The following TLR5 variants were observed in gnomAD, a reference collection of about 807,000 sequenced individuals.
The protein encoded by TLR5 is toll like receptor 5, also known as toll-like receptor 5.
For synonymous variants in TLR5, 373 were observed against 384.4 expected (o/e 0.97, Z 0.35); for missense variants, 944 against 999.8 (o/e 0.94, Z 0.75).
At chr1:223,140,179 A>G (rs1169500861) in intron 2 of TLR5, among the ~76,000 whole-genome samples, 13 of 152,172 alleles carry the variant, frequency 8.5e-5, no homozygotes, top group Non-Finnish European at 1.9e-4. Flanking sequence ...TGCTTCTTAA[A>G]AAATGTAGGG....
rs770317363 is a variant in TLR5 at position 223,112,840 on chromosome 1, T to A, written c.192A>T (p.Ser64=). The change falls in exon 6 of 6, where the codon TCA becomes TCT. Residue 64 remains serine (S), a synonymous_variant. Coordinates refer to ENST00000642603, the MANE Select transcript of TLR5 (RefSeq NM_003268.6). The part of the protein sequence containing the change: ...SFNYIRTVTA[S]SFPFLEQLQL... Reference sequence around the variant, plus strand: ...GCAGCTGTTCCAGAAAGGGGAAGGATGAAGCAGTGACTGTCCTGATATAGT... The same window carrying A: ...GCAGCTGTTCCAGAAAGGGGAAGGAAGAAGCAGTGACTGTCCTGATATAGT... 1 of 1,613,254 alleles carries A rather than the reference T, an allele frequency of 6.2e-7. No individual in the cohort carries two copies. Among genetic ancestry groups the A allele is most frequent in the Non-Finnish European group, 8.5e-7 (1 of 1,179,524 alleles).
rs1435953693 is a variant in TLR5, at chr1:223,112,330, A to G, written c.702T>C (p.Ser234=). The change falls in exon 6 of 6, where the codon TCT becomes TCC. Residue 234 remains serine (S), a synonymous_variant. Transcript: ENST00000642603. ...TGATGTCCACTGTCCAGCCATTTCCAGAAACATCTAGTATCTCCAGCACCA... is the reference window on the plus strand; with the variant it reads ...TGATGTCCACTGTCCAGCCATTTCCGGAAACATCTAGTATCTCCAGCACCA... ...RNMVLEILDV[S]GNGWTVDITG... is the part of the protein sequence containing the mutation. 6.2e-7 allele frequency: 1 copy of G among 1,614,076 alleles called. No homozygotes were observed. Among genetic ancestry groups the G allele is most frequent in the Non-Finnish European group, 8.5e-7 (1 of 1,180,050 alleles).
chr1:223,118,298 G>C (rs1223200704), intron 5 of TLR5, among the ~76,000 whole-genome samples: 2 of 152,206 alleles, frequency 1.3e-5, no homozygotes, highest in East Asian at 3.9e-4. Context: ...TGCAATCCCA[G>C]CACTTTTGGA....
chr1:223,122,033 C>A (rs1307615050), intron 5 of TLR5, among the ~76,000 whole-genome samples: 1 of 152,098 alleles, frequency 6.6e-6, no homozygotes, highest in East Asian at 1.9e-4. Flanking sequence ...AAATAGAAAC[C>A]AATCAGGGCA....
At chr1:223,115,804 C>G (rs1387434477) in intron 5 of TLR5, among the ~76,000 whole-genome samples, 1 of 152,032 alleles carries the variant, frequency 6.6e-6, no homozygotes, top group African/African-American at 2.4e-5. Flanking sequence ...GAGATTAGAG[C>G]AGGTGTCTAA....
intron 5 of TLR5, among the ~76,000 whole-genome samples, chr1:223,114,024 A>T (rs1358193608): frequency 2.0e-5 from 3 of 152,220 alleles, no homozygotes; most frequent in Non-Finnish European, 4.4e-5. Flanking sequence ...CCCATCATGC[A>T]GAAATTGGGC....
intron 1 of TLR5, 59 bp from the exon 2 acceptor site, chr1:223,141,822 T>TATATAGAGAGAG (rs1398290863): frequency 4.7e-5 from 2 of 42,988 alleles, no homozygotes; most frequent in African/African-American, 1.9e-4. Context: ...TATATATATA[T>TATATAGAGAGAG]AGAGAGAGAG....
At chr1:223,130,296 C>A (rs1051716014) in intron 5 of TLR5, among the ~76,000 whole-genome samples, 1 of 152,202 alleles carries the variant, frequency 6.6e-6, no homozygotes, top group African/African-American at 2.4e-5. Context: ...TAAAAGCCCA[C>A]CTGTGTCCCT....
chr1:223,132,456 T>C lies in TLR5; in HGVS notation c.-5+19A>G, dbSNP rs559178588. Reference sequence around the variant, plus strand: ...CAGACACAGACACACTATGACACATTTTTACCAGAAGCACTTACCTCGTTG... The same window carrying C: ...CAGACACAGACACACTATGACACATCTTTACCAGAAGCACTTACCTCGTTG... On this transcript the variant is annotated intron_variant, in intron 5 of 5. Transcript: ENST00000642603. 6.6e-6 allele frequency: 1 copy of C among 152,316 alleles called. No homozygotes were observed. The highest frequency in any genetic ancestry group is 1.5e-5 in the Non-Finnish European group (1 of 67,986). The allele number at this position is 152,316 out of a possible 1,614,324, so 9.4% of individuals were successfully genotyped here.
chr1:223,116,543 A>C (rs1656659949), intron 5 of TLR5, among the ~76,000 whole-genome samples: 1 of 152,150 alleles, frequency 6.6e-6, no homozygotes, highest in African/African-American at 2.4e-5. Flanking sequence ...CGGCAGCAAG[A>C]TTTACTGCAA....
rs1053954 is a variant in TLR5 at position 223,110,509 on chromosome 1, T to C, written c.2523A>G (p.Lys841=). 145,239 of 1,614,048 alleles carry C rather than the reference T, an allele frequency of 0.09. 7,323 individuals carry two copies. The highest frequency in any genetic ancestry group is 0.1 in the Non-Finnish European group (122,189 of 1,179,958). The change falls in exon 6 of 6, where the codon AAA becomes AAG. Residue 841 remains lysine (K), a synonymous_variant. Coordinates refer to ENST00000642603, the MANE Select transcript of TLR5 (RefSeq NM_003268.6). ...KLSQQILKKE[K]EKKKDNNIPL... ...GAATGTTATTGTCTTTCTTCTTTTC[T>C]TTTTCTTTCTTTAGTATCTGTTGAG... is the stretch of plus-strand genomic sequence containing the variant.
At chr1:223,118,659 G>T (rs933596617) in intron 5 of TLR5, among the ~76,000 whole-genome samples, 1 of 152,174 alleles carries the variant, frequency 6.6e-6, no homozygotes, top group Admixed American at 6.5e-5. Flanking sequence ...AGGCTACAGA[G>T]AATATAATAT....
chr1:223,135,685 T>C (rs1657582080), intron 3 of TLR5, among the ~76,000 whole-genome samples: 1 of 152,190 alleles, frequency 6.6e-6, no homozygotes, highest in Non-Finnish European at 1.5e-5. Flanking sequence ...ACAGCAATCA[T>C]AGACCAGGGC....
At chr1:223,114,571 C>A (rs1640842) in intron 5 of TLR5, among the ~76,000 whole-genome samples, 51,164 of 151,826 alleles carry the variant, frequency 0.34, 9,864 homozygotes, top group Non-Finnish European at 0.43. Context: ...GGAGCAGTCA[C>A]GGTGCTGGAG....
chr1:223,110,790 T>G lies in TLR5; in HGVS notation c.2242A>C (p.Ile748Leu). Residue 748 changes from isoleucine to leucine, a missense_variant, in exon 6 of 6, where the codon ATC (isoleucine) becomes CTC (leucine). Ile to Leu is a conservative substitution (Grantham distance 5, BLOSUM62 2). Coordinates refer to ENST00000642603, the MANE Select transcript of TLR5 (RefSeq NM_003268.6). ...CAAACGATCTTTCTACTGTTCCAGA[T>G]GGCATCCTGGATATTGGCAATGCGG... ...ENRIANIQDA[I>L]WNSRKIVCLV... 6.2e-7 allele frequency: 1 copy of G among 1,614,276 alleles called. No individual in the cohort carries two copies. Among genetic ancestry groups the G allele is most frequent in the Non-Finnish European group, 8.5e-7 (1 of 1,180,044 alleles).
At position 223,111,915 on chromosome 1, in the gene TLR5, C is replaced by T. The variant is rs1372404401; in HGVS notation, c.1117G>A (p.Ala373Thr). 2 of 1,613,916 alleles carry T rather than the reference C, an allele frequency of 1.2e-6. No individual in the cohort carries two copies. Among genetic ancestry groups the T allele is most frequent in the African/African-American group, 1.3e-5 (1 of 74,910 alleles). Residue 373 changes from alanine (A) to threonine (T), a missense_variant, in exon 6 of 6, where the codon GCA (alanine) becomes ACA (threonine). Coordinates refer to ENST00000642603, the MANE Select transcript of TLR5 (RefSeq NM_003268.6). ...TTGAATGTTTGGTCTTGAATTATTGCAATGTGATTCTTTTGCAAATCAATG... is the reference window on the plus strand; with the variant it reads ...TTGAATGTTTGGTCTTGAATTATTGTAATGTGATTCTTTTGCAAATCAATG... Reference protein sequence around the residue: ...AYIDLQKNHIAIIQDQTFKFL... With the variant: ...AYIDLQKNHITIIQDQTFKFL...
At chr1:223,140,376 A>G (rs540893923) in intron 2 of TLR5, among the ~76,000 whole-genome samples, 3 of 152,134 alleles carry the variant, frequency 2.0e-5, no homozygotes, top group East Asian at 3.9e-4. Context: ...GTGAAATCCC[A>G]TCTCTGCTAA....
rs191104998 is a variant in TLR5, at chr1:223,115,461, G to A, written c.-4-2426C>T. 2.7e-3 allele frequency among the ~76,000 whole-genome samples: 407 copies of A among 152,278 alleles called. 3 individuals carry two copies. The highest frequency in any genetic ancestry group is 9.2e-3 in the African/African-American group (384 of 41,546). On this transcript the variant is annotated intron_variant, in intron 5 of 5. Coordinates refer to ENST00000642603, the MANE Select transcript of TLR5 (RefSeq NM_003268.6). ...GATGGGGTTTCACCATGTTGGCCCAGGACGGTCTTGAACTCCTGACCTCAA... is the reference window on the plus strand; with the variant it reads ...GATGGGGTTTCACCATGTTGGCCCAAGACGGTCTTGAACTCCTGACCTCAA...
Position 223,112,968 on chromosome 1 carries a change from G to A in TLR5, c.64C>T (p.Pro22Ser), listed in dbSNP as rs1382633958. 2 of 1,614,210 alleles carry A rather than the reference G, an allele frequency of 1.2e-6. No individual in the cohort carries two copies. The highest frequency in any genetic ancestry group is 1.7e-6 in the Non-Finnish European group (2 of 1,180,038). The stretch of plus-strand genomic sequence containing the variant: ...ATTCGGCCATCAAAGGAGCAGGAAG[G>A]AATTCCAAACACAGGACCGGCCATG... ...VLMAGPVFGI[P>S]SCSFDGRIAF... The change falls in exon 6 of 6, where the codon CCT becomes TCT. Residue 22 changes from proline (P) to serine (S), a missense_variant. Transcript: ENST00000642603.
Sources: gnomAD v4.1 joint callset for allele counts (sites outside exome capture counted in the v4.1 genomes callset) on GRCh38, gnomAD v4.1.1 for gene constraint, MANE v1.5 for transcripts, NCBI Gene and HGNC (gene_info 2026-07-23, HGNC 2026-07-21) for gene names.